The following ZNF503 variants were observed in gnomAD, a reference collection of about 807,000 sequenced individuals.
ZNF503 encodes zinc finger protein 503.
ZNF503 carries 15 observed loss-of-function variants against 34.4 expected under a neutral mutation model. That is an observed-to-expected ratio of 0.44 (90% CI 0.29 to 0.67). The LOEUF (loss-of-function observed/expected upper bound fraction) is 0.67. Ranked by LOEUF, ZNF503 falls within the 30% of genes least tolerant of loss-of-function variation. The pLI, the probability that ZNF503 is intolerant of heterozygous loss-of-function variation, is 0.13. For missense variants in ZNF503, 1,007 were observed against 926.8 expected (o/e 1.09, Z -1.12); for synonymous variants, 580 against 456.8 (o/e 1.27, Z -3.44).
At chr10:75,294,386 G>C in the ZNF503 span, among the ~76,000 whole-genome samples, 1 of 152,170 alleles carries the variant, frequency 6.6e-6, no homozygotes, top group Non-Finnish European at 1.5e-5. Flanking sequence ...GAGGGCGGAC[G>C]GGGTTCCCCT....
the ZNF503 span, among the ~76,000 whole-genome samples, chr10:75,320,354 G>C: frequency 6.6e-6 from 1 of 152,038 alleles, no homozygotes; most frequent in Non-Finnish European, 1.5e-5. Context: ...GGTGGATTGT[G>C]CCTGTAATTC....
rs951601435 is a variant in ZNF503 at position 75,398,467 on chromosome 10, T to C, written c.*282A>G. On this transcript the variant is annotated 3_prime_UTR_variant, in exon 2 of 2. Transcript: ENST00000372524. ...CGATGCAGTCCTCAGATGAACACTT[T>C]CTCAATTATTTTTTCCTTTTTTTTT... The C allele has an allele frequency of 1.5e-5, 5 of 327,084 alleles. No individual in the cohort carries two copies. In the East Asian group the frequency reaches 1.9e-4, roughly 12 times the overall value. The allele number at this position is 327,084 out of a possible 1,614,324, so 20.3% of individuals were successfully genotyped here. A position where few individuals can be genotyped will look rare whatever the true frequency, so the allele number is the denominator to read the frequency against.
At chr10:75,349,001 C>G in the ZNF503 span, among the ~76,000 whole-genome samples, 1 of 152,174 alleles carries the variant, frequency 6.6e-6, no homozygotes, top group South Asian at 2.1e-4. Flanking sequence ...TTTTTTCTCT[C>G]CCACCACTAC....
the ZNF503 span, among the ~76,000 whole-genome samples, chr10:75,295,245 A>C: frequency 2.0e-5 from 3 of 151,458 alleles, no homozygotes; most frequent in South Asian, 4.2e-4. The surrounding 1 kb of genome is among the most constrained non-coding windows in gnomAD (Gnocchi z 4.0). Context: ...AGGAGGAGGC[A>C]GGGGCGCGCC....
the ZNF503 span, among the ~76,000 whole-genome samples, chr10:75,286,699 C>T: frequency 2.8e-4 from 42 of 152,168 alleles, no homozygotes; most frequent in African/African-American, 9.2e-4. Flanking sequence ...AGTATATGGT[C>T]AGTGTTGCTG....
the ZNF503 span, among the ~76,000 whole-genome samples, chr10:75,321,299 C>G: frequency 6.6e-6 from 1 of 152,122 alleles, no homozygotes; most frequent in African/African-American, 2.4e-5. Context: ...TCATAAAACA[C>G]CCAGTCTCAG....
downstream of ZNF503, among the ~76,000 whole-genome samples, chr10:75,396,393 C>T (rs755252702): frequency 6.6e-6 from 1 of 152,212 alleles, no homozygotes; most frequent in African/African-American, 2.4e-5. The surrounding 1 kb of genome is among the most constrained non-coding windows in gnomAD (Gnocchi z 4.4). Context: ...CAAGTCAGTT[C>T]CAGGAGGCGG....
chr10:75,337,766 C>T, the ZNF503 span, among the ~76,000 whole-genome samples: 2 of 152,174 alleles, frequency 1.3e-5, no homozygotes, highest in Non-Finnish European at 2.9e-5. Flanking sequence ...AGGAAAGGAC[C>T]ACTTAGGTTC....
chr10:75,340,169 G>A, the ZNF503 span, among the ~76,000 whole-genome samples: 2 of 135,364 alleles, frequency 1.5e-5, no homozygotes, highest in Non-Finnish European at 3.2e-5. Context: ...GGGGGAGGGG[G>A]CGGGGGGTCG....
the ZNF503 span, among the ~76,000 whole-genome samples, chr10:75,331,636 T>C: frequency 6.6e-6 from 1 of 152,050 alleles, no homozygotes; most frequent in Non-Finnish European, 1.5e-5. Context: ...TTTTTAGAGA[T>C]GGGGTCTCAT....
At chr10:75,354,734 C>CA in the ZNF503 span, among the ~76,000 whole-genome samples, 9 of 151,308 alleles carry the variant, frequency 5.9e-5, no homozygotes, top group Middle Eastern at 3.2e-3. Context: ...AACAAACAAA[C>CA]AAAAAAAAAC....
At chr10:75,365,171 C>T in the ZNF503 span, among the ~76,000 whole-genome samples, 7 of 152,128 alleles carry the variant, frequency 4.6e-5, no homozygotes, top group South Asian at 2.1e-4. Flanking sequence ...TTCTTTGAGA[C>T]GGAGTCTCGC....
chr10:75,324,286 C>T, the ZNF503 span, among the ~76,000 whole-genome samples: 1 of 150,904 alleles, frequency 6.6e-6, no homozygotes, highest in East Asian at 1.9e-4. Flanking sequence ...TTACATCGTA[C>T]ATTTAGGTGT....
At position 75,401,229 on chromosome 10, in the gene ZNF503, T is replaced by G. The variant is rs1323302213; in HGVS notation, c.191A>C (p.Asp64Ala). 6.2e-7 allele frequency: 1 copy of G among 1,607,856 alleles called. No homozygotes were observed. ...CAGGCGGTTGGCCTGGCGCAGGGGG[T>G]CAGAGGGGGGCACGGCGTGCACAAA... ...KPFVHAVPPS[D>A]PLRQANRLPI... Residue 64 changes from aspartate to alanine, a missense_variant, in exon 1 of 2, where the codon GAC (aspartate) becomes GCC (alanine). Asp to Ala is a moderately radical substitution (Grantham distance 126, BLOSUM62 -2). Transcript: ENST00000372524.
Position 75,400,168 on chromosome 10 carries a change from A to G in ZNF503, c.522T>C (p.Ser174=). Reference sequence around the variant, plus strand: ...AGCCGGGTTTGGAGTACGGCTTGAAACTCGACTTGTCCTCCACGCCGATGT... The same window carrying G: ...AGCCGGGTTTGGAGTACGGCTTGAAGCTCGACTTGTCCTCCACGCCGATGT... ...LSDIGVEDKS[S]FKPYSKPGSD... Residue 174 remains serine, a synonymous_variant, in exon 2 of 2, where the codon AGT becomes AGC. Coordinates refer to ENST00000372524, the MANE Select transcript of ZNF503 (RefSeq NM_032772.6). The G allele has an allele frequency of 6.4e-7, 1 of 1,565,614 alleles. No homozygotes were observed. The highest frequency in any genetic ancestry group is 8.6e-7 in the Non-Finnish European group (1 of 1,157,256).
At chr10:75,299,467 T>C in the ZNF503 span, among the ~76,000 whole-genome samples, 15 of 152,204 alleles carry the variant, frequency 9.9e-5, 1 homozygote, top group South Asian at 3.1e-3. Context: ...TCATGAGTTT[T>C]TGTTTTACGT....
chr10:75,349,238 C>T, the ZNF503 span, among the ~76,000 whole-genome samples: 7 of 152,310 alleles, frequency 4.6e-5, no homozygotes, highest in African/African-American at 1.7e-4. Context: ...AATCTTCGGA[C>T]ACACTTTGCA....
the ZNF503 span, among the ~76,000 whole-genome samples, chr10:75,374,345 A>T: frequency 9.2e-5 from 14 of 152,112 alleles, no homozygotes; most frequent in African/African-American, 3.4e-4. Flanking sequence ...AAAGTAAGTC[A>T]CGTCCACTGT....
chr10:75,398,945 C>A lies in ZNF503; in HGVS notation c.1745G>T (p.Gly582Val). 6.3e-7 allele frequency: 1 copy of A among 1,597,972 alleles called. No homozygotes were observed. Among genetic ancestry groups the A allele is most frequent in the Non-Finnish European group, 8.5e-7 (1 of 1,175,868 alleles). ...GCGCAGCGCCAGCGTCCCAGGGCTG[C>A]CCGGTGCGCCCGAGGTGGGGATGTG... ...HMHIPTSGAP[G>V]SPGTLALRSP... Residue 582 changes from glycine to valine, a missense_variant, in exon 2 of 2, where the codon GGC becomes GTC. Physicochemically the swap from Gly to Val is moderately radical, Grantham distance 109. Transcript: ENST00000372524.
Sources: allele counts gnomAD v4.1 joint callset (sites outside exome capture counted in the v4.1 genomes callset), GRCh38; gene constraint gnomAD v4.1.1; non-coding constraint Gnocchi (gnomAD v3.1); transcripts MANE v1.5; gene names NCBI Gene and HGNC (gene_info 2026-07-23, HGNC 2026-07-21).